MTX3: variants seen among roughly 807,000 people sequenced by gnomAD.
MTX3 encodes metaxin 3, also known as metaxin-3.
Under a neutral mutation model 42.5 loss-of-function variants are expected in MTX3, and 27 were observed. The observed-to-expected ratio is 0.64, with a 90% CI of 0.47 to 0.88. MTX3 has a LOEUF of 0.88. MTX3 is among the 40% of genes least tolerant of loss of function. The pLI is 0.00. For synonymous variants in MTX3, 144 were observed against 132.9 expected (o/e 1.08, Z -0.57); for missense variants, 378 against 367.0 (o/e 1.03, Z -0.25).
At chr5:79,990,892 T>C (rs1270755849) in intron 1 of MTX3, 1 of 708,032 alleles carries the variant, frequency 1.4e-6, no homozygotes, top group Non-Finnish European at 2.6e-6. Flanking sequence ...CGCCCCTTGC[T>C]TCGGGGTTTC....
Position 79,991,168 on chromosome 5 carries a change from A to C in MTX3, c.71T>G (p.Leu24Arg). 6.5e-7 allele frequency: 1 copy of C among 1,537,166 alleles called. No individual in the cohort carries two copies. Among genetic ancestry groups the C allele is most frequent in the Non-Finnish European group, 8.8e-7 (1 of 1,138,760 alleles). ...WGLPSVHSES[L>R]VVMAYAKFSG... The stretch of plus-strand genomic sequence containing the variant: ...GCGAGGCGGCCTCACCATCACCACC[A>C]GGGACTCGCTGTGAACCGATGGGAG... Residue 24 changes from leucine to arginine, a missense_variant, in exon 1 of 9, where the codon CTG becomes CGG. Physicochemically the swap from Leu to Arg is moderately radical, Grantham distance 102 (BLOSUM62 -2). Transcript: ENST00000512528.
At chr5:79,985,876 T>A (rs1363714698) in intron 7 of MTX3, among the ~76,000 whole-genome samples, 1 of 149,572 alleles carries the variant, frequency 6.7e-6, no homozygotes, top group Non-Finnish European at 1.5e-5. Context: ...ATTTATCCAC[T>A]AAGTAGACAC....
intron 4 of MTX3, 93 bp from the exon 5 acceptor site, chr5:79,988,737 T>C (rs555944109): frequency 2.7e-5 from 31 of 1,138,920 alleles, no homozygotes; most frequent in Admixed American, 2.3e-4. Context: ...AATATCTTTA[T>C]ATGAAGTGTC....
rs749395501 is a variant in MTX3, at chr5:79,991,208, C to T, written c.31G>A (p.Gly11Arg). 1.4e-6 allele frequency: 2 copies of T among 1,480,004 alleles called. No individual in the cohort carries two copies. The highest frequency in any genetic ancestry group is 2.4e-5 in the Admixed American group (1 of 41,436). The allele number at this position is 1,480,004 out of a possible 1,614,324, so 91.7% of individuals were successfully genotyped here. Residue 11 changes from glycine to arginine, a missense_variant, in exon 1 of 9, where the codon GGA becomes AGA. Gly to Arg is a moderately radical substitution (Grantham distance 125). Transcript: ENST00000512528. MAAPLELSCW[G>R]GGWGLPSVHS... ...ACCGATGGGAGTCCCCAGCCGCCTC[C>T]CCAGCAACTGAGTTCCAAGGGGGCC...
At chr5:79,988,354 T>C in intron 5 of MTX3, 39 bp from the exon 6 acceptor site, 1 of 1,502,024 alleles carries the variant, frequency 6.7e-7, no homozygotes, top group Non-Finnish European at 9.1e-7. Flanking sequence ...GTAGAAAAGA[T>C]ACTCTAAAAC....
intron 6 of MTX3, among the ~76,000 whole-genome samples, 190 bp downstream of exon 6, chr5:79,988,049 T>A (rs1831537705): frequency 6.6e-6 from 1 of 152,196 alleles, no homozygotes; most frequent in Non-Finnish European, 1.5e-5. Flanking sequence ...ACTTCTGGCC[T>A]CGGGTGATCT....
intron 7 of MTX3, 46 bp downstream of exon 7, chr5:79,986,904 T>A: frequency 6.3e-7 from 1 of 1,589,940 alleles, no homozygotes; most frequent in Non-Finnish European, 8.6e-7. Flanking sequence ...TATACATACA[T>A]AGGAGAATAT....
chr5:79,980,065 C>T lies in MTX3; in HGVS notation c.*3619G>A, dbSNP rs1419734340. 6.6e-6 allele frequency: 1 copy of T among 152,140 alleles called. No individual in the cohort carries two copies. Among genetic ancestry groups the T allele is most frequent in the East Asian group, 1.9e-4 (1 of 5,200 alleles). The allele number at this position is 152,140 out of a possible 1,614,324, so 9.4% of individuals were successfully genotyped here. On this transcript the variant is annotated 3_prime_UTR_variant, in exon 9 of 9. Transcript: ENST00000512528. ...CCCACTGCTTAGCTTCCTTTCTTTA[C>T]ATGTAAGCATTTATATCTAGGTTTT...
Position 79,986,914 on chromosome 5 carries a change from T to C in MTX3, c.739+36A>G, listed in dbSNP as rs369426127. ...TTGCTTATACATACATAGGAGAATA[T>C]GCAAACAAACATTAGCTGAAAAAGA... On this transcript the variant is annotated intron_variant, in intron 7 of 8. Coordinates refer to ENST00000512528, the MANE Select transcript of MTX3 (RefSeq NM_001363818.2). 3 of 1,601,022 alleles carry C rather than the reference T, an allele frequency of 1.9e-6. No individual in the cohort carries two copies. In the African/African-American group the frequency reaches 4.0e-5, roughly 22 times the overall value.
At position 79,980,114 on chromosome 5, in the gene MTX3, T is replaced by C. The variant is rs1425292403; in HGVS notation, c.*3570A>G. Reference sequence around the variant, plus strand: ...TTAAAAGGGTTGAAGTTTTTGACAGTTGATGAAAAACTGTCAAAAAATTGT... The same window carrying C: ...TTAAAAGGGTTGAAGTTTTTGACAGCTGATGAAAAACTGTCAAAAAATTGT... On this transcript the variant is annotated 3_prime_UTR_variant, in exon 9 of 9. Transcript: ENST00000512528. 6.6e-6 allele frequency: 1 copy of C among 152,142 alleles called. No individual in the cohort carries two copies. The highest frequency in any genetic ancestry group is 1.9e-4 in the East Asian group (1 of 5,190). The allele number at this position is 152,142 out of a possible 1,614,324, so 9.4% of individuals were successfully genotyped here. A position where few individuals can be genotyped will look rare whatever the true frequency, so the allele number is the denominator to read the frequency against.
rs574598515 is a variant in MTX3, at chr5:79,985,058, T to C, written c.828+513A>G. On this transcript the variant is annotated intron_variant, in intron 8 of 8. Coordinates refer to ENST00000512528, the MANE Select transcript of MTX3 (RefSeq NM_001363818.2). ...GTGCAGTGGCACGATCTCAGCTCAC[T>C]GCAAGCTCCGCCTCCCGGGTTCATG... Among the ~76,000 whole-genome samples the C allele has an allele frequency of 1.1e-4, 17 of 152,268 alleles. No individual in the cohort carries two copies. In the East Asian group the frequency reaches 3.3e-3, roughly 29 times the overall value.
intron 7 of MTX3, 173 bp downstream of exon 7, chr5:79,986,777 G>C: frequency 1.6e-6 from 1 of 608,954 alleles, no homozygotes; most frequent in Non-Finnish European, 2.9e-6. Context: ...ATTTAAATAA[G>C]AACTAACATG....
intron 1 of MTX3, 196 bp downstream of exon 1, chr5:79,990,962 T>C (rs956233482): frequency 2.1e-5 from 15 of 727,678 alleles, no homozygotes; most frequent in East Asian, 5.4e-5. Flanking sequence ...CGGAGAAGCC[T>C]TGATGTCGCC....
chr5:79,979,471 T>A lies in MTX3; in HGVS notation c.*4213A>T, dbSNP rs1831325148. On this transcript the variant is annotated 3_prime_UTR_variant, in exon 9 of 9. Coordinates refer to ENST00000512528, the MANE Select transcript of MTX3 (RefSeq NM_001363818.2). The stretch of plus-strand genomic sequence containing the variant: ...TCATTACCACCCAAATTATCTCTGT[T>A]GCTCAGGATTTCAGTTATAAAAATA... 6.6e-6 allele frequency: 1 copy of A among 152,236 alleles called. No individual in the cohort carries two copies. Among genetic ancestry groups the A allele is most frequent in the Non-Finnish European group, 1.5e-5 (1 of 68,036 alleles). The allele number at this position is 152,236 out of a possible 1,614,324, so 9.4% of individuals were successfully genotyped here.
intron 6 of MTX3, 33 bp from the exon 7 acceptor site, chr5:79,987,140 A>C (rs374419275): frequency 1.2e-6 from 2 of 1,604,148 alleles, no homozygotes; most frequent in African/African-American, 2.7e-5. Context: ...TAAAGCACAT[A>C]AGACAATATT....
Position 79,989,255 on chromosome 5 carries a change from AAAAT to A in MTX3, c.229-15_229-12del. ...ATCAGCATTATATTTCTATTAAAAAAAAATAAACCAAAGAAACTCAGAAGTCAAA... is the reference window on the plus strand; with the variant it reads ...ATCAGCATTATATTTCTATTAAAAAAAAACCAAAGAAACTCAGAAGTCAAA... On this transcript the variant is annotated splice_polypyrimidine_tract_variant and intron_variant, in intron 3 of 8. Coordinates refer to ENST00000512528, the MANE Select transcript of MTX3 (RefSeq NM_001363818.2). 2 of 1,520,242 alleles carry A rather than the reference AAAAT, an allele frequency of 1.3e-6. No individual in the cohort carries two copies. The highest frequency in any genetic ancestry group is 1.8e-6 in the Non-Finnish European group (2 of 1,119,786). 94.2% of individuals were successfully genotyped at this position (1,520,242 alleles called of 1,614,324 possible).
chr5:79,987,053 T>C lies in MTX3; in HGVS notation c.636A>G (p.Val212=), dbSNP rs770008142. 2 of 1,613,870 alleles carry C rather than the reference T, an allele frequency of 1.2e-6. No individual in the cohort carries two copies. The highest frequency in any genetic ancestry group is 3.3e-5 in the Admixed American group (2 of 60,010). Residue 212 remains valine, a synonymous_variant, in exon 7 of 9, where the codon GTA becomes GTG. Coordinates refer to ENST00000512528, the MANE Select transcript of MTX3 (RefSeq NM_001363818.2). The stretch of plus-strand genomic sequence containing the variant: ...CTTGTAGCTGAACTTTAGGAAACCG[T>C]ACTTTGTAAAGAGGTGCAAGAAAAC... ...VFGFLAPLYK[V]RFPKVQLQEH...
Position 79,991,169 on chromosome 5 carries a change from G to A in MTX3, c.70C>T (p.Leu24=), listed in dbSNP as rs1183374110. ...CGAGGCGGCCTCACCATCACCACCA[G>A]GGACTCGCTGTGAACCGATGGGAGT... is the stretch of plus-strand genomic sequence containing the variant. ...WGLPSVHSES[L]VVMAYAKFSG... Residue 24 remains leucine, a synonymous_variant, in exon 1 of 9, where the codon CTG becomes TTG. Transcript: ENST00000512528. The A allele has an allele frequency of 4.6e-6, 7 of 1,535,414 alleles. No individual in the cohort carries two copies. In the Admixed American group the frequency reaches 1.0e-4, roughly 22 times the overall value.
In MTX3 at chr5:79,982,043, C is replaced by A; in HGVS notation, c.*1641G>T. On this transcript the variant is annotated 3_prime_UTR_variant, in exon 9 of 9. Transcript: ENST00000512528. The stretch of plus-strand genomic sequence containing the variant: ...CTCACAGTCATGATTTCCAATATAA[C>A]ATATTTAGGTTTCAGACTGCTGGAA... The A allele has an allele frequency of 1.2e-5, 2 of 166,158 alleles. No individual in the cohort carries two copies. Among genetic ancestry groups the A allele is most frequent in the South Asian group, 1.6e-4 (1 of 6,206 alleles). 10.3% of individuals were successfully genotyped at this position (166,158 alleles called of 1,614,324 possible).
Sources: gnomAD v4.1 joint callset for allele counts (sites outside exome capture counted in the v4.1 genomes callset) on GRCh38, gnomAD v4.1.1 for gene constraint, MANE v1.5 for transcripts, NCBI Gene and HGNC (gene_info 2026-07-23, HGNC 2026-07-21) for gene names.